The following TERF1 variants were observed in gnomAD, a reference collection of about 807,000 sequenced individuals.
TERF1 encodes the protein telomeric repeat binding factor 1.
A neutral mutation model predicts 55.1 loss-of-function variants in TERF1; 20 were observed. That is an observed-to-expected ratio of 0.36 (90% CI 0.26 to 0.53). TERF1 has a LOEUF of 0.53. Ranked by LOEUF, TERF1 falls within the 20% of genes least tolerant of loss-of-function variation. TERF1 has a pLI of 0.91. For missense variants in TERF1, 439 were observed against 535.7 expected, an observed-to-expected ratio of 0.82 and a Z score of 1.78; for synonymous variants, 168 against 181.2, an observed-to-expected ratio of 0.93 and a Z score of 0.59.
intron 1 of TERF1, chr8:73,010,749 A>G (rs1808248520): frequency 6.6e-6 from 1 of 152,232 alleles, no homozygotes; most frequent in African/African-American, 2.4e-5. Context: ...GCTGAAACAG[A>G]ACAAAAAGAA....
chr8:73,019,735 C>A (rs1000768001), intron 2 of TERF1, among the ~76,000 whole-genome samples: 2 of 152,154 alleles, frequency 1.3e-5, no homozygotes, highest in African/African-American at 4.8e-5. Flanking sequence ...AGGACCTTTG[C>A]ACTTGCCATT....
At chr8:73,014,373 AGT>A (rs1346692227) in intron 2 of TERF1, among the ~76,000 whole-genome samples, 1 of 152,152 alleles carries the variant, frequency 6.6e-6, no homozygotes, top group East Asian at 1.9e-4. Context: ...CTCTTGGGGA[AGT>A]GTGTTTCATT....
intron 8 of TERF1, among the ~76,000 whole-genome samples, chr8:73,037,613 TATATA>T (rs1809599837): frequency 2.0e-5 from 2 of 98,860 alleles, no homozygotes; most frequent in Admixed American, 3.5e-4. Context: ...AAATTTATTA[TATATA>T]TTATATATTA....
chr8:73,020,523 A>G (rs959233390), intron 2 of TERF1, among the ~76,000 whole-genome samples, 161 bp from the exon 3 acceptor site: 10 of 152,202 alleles, frequency 6.6e-5, no homozygotes, highest in African/African-American at 2.4e-4. Context: ...TTAATGAGCA[A>G]ATTAACTTAG....
At chr8:73,015,188 A>C (rs1808446268) in intron 2 of TERF1, among the ~76,000 whole-genome samples, 1 of 152,092 alleles carries the variant, frequency 6.6e-6, no homozygotes, top group African/African-American at 2.4e-5. Context: ...TCTTTTGGAT[A>C]TATCCTAGAT....
intron 9 of TERF1, among the ~76,000 whole-genome samples, chr8:73,044,684 CTCCTTAAACAGTAAG>C (rs1247412515): frequency 6.6e-6 from 1 of 152,106 alleles, no homozygotes; most frequent in Non-Finnish European, 1.5e-5. Context: ...TGAAACCGTA[CTCCTTAAACAGTAAG>C]TCCATTTCCA....
intron 9 of TERF1, among the ~76,000 whole-genome samples, chr8:73,044,762 T>A (rs746538449): frequency 6.6e-6 from 1 of 152,158 alleles, no homozygotes; most frequent in South Asian, 2.1e-4. Context: ...TGAGTTGGAC[T>A]ATTCTAGGCA....
At chr8:73,037,468 A>T (rs1809585447) in intron 8 of TERF1, among the ~76,000 whole-genome samples, 2 of 98,024 alleles carry the variant, frequency 2.0e-5, no homozygotes, top group African/African-American at 7.5e-5. Flanking sequence ...TTAACATATA[A>T]AATATATTAA....
rs150799660 is a variant in TERF1, at chr8:73,008,928, C to T, written c.42C>T (p.Gly14=). ...CCTCAGCGGCCCCGAGCCCGCGGGG[C>T]TGTGCGGATGGTAGGGATGCCGACC... The part of the protein sequence containing the change: ...DVSSAAPSPR[G]CADGRDADPT... The change falls in exon 1 of 10, where the codon GGC becomes GGT. Residue 14 remains glycine, a synonymous_variant. Coordinates refer to ENST00000276603, the MANE Select transcript of TERF1 (RefSeq NM_017489.3). 591 of 1,612,442 alleles carry T rather than the reference C, an allele frequency of 3.7e-4. No homozygotes were observed. Among genetic ancestry groups the T allele is most frequent in the Middle Eastern group, 3.5e-3 (21 of 5,952 alleles).
At chr8:73,037,655 A>AC (rs1809605468) in intron 8 of TERF1, among the ~76,000 whole-genome samples, 2 of 60,406 alleles carry the variant, frequency 3.3e-5, no homozygotes, top group Admixed American at 5.0e-4. Flanking sequence ...TATATATTAT[A>AC]TGTATAATAA....
chr8:73,030,218 G>T (rs1368415267), intron 6 of TERF1, 118 bp from the exon 7 acceptor site: 7 of 640,982 alleles, frequency 1.1e-5, no homozygotes, highest in African/African-American at 1.9e-5. Context: ...TGTTACCAAG[G>T]TTTCTTTCCA....
rs1809299831 is a variant in TERF1, at chr8:73,031,834, T to C, written c.948-208T>C. The C allele has an allele frequency of 8.0e-6, 3 of 374,926 alleles. No homozygotes were observed. In the East Asian group the frequency reaches 1.2e-4, roughly 15 times the overall value. The allele number at this position is 374,926 out of a possible 1,614,324, so 23.2% of individuals were successfully genotyped here. A position where few individuals can be genotyped will look rare whatever the true frequency, so the allele number is the denominator to read the frequency against. ...AAAAAACATCTTGATTTCTGCGGAGTAGATGAGATGGAGAAAGATGAGACA... is the reference window on the plus strand; with the variant it reads ...AAAAAACATCTTGATTTCTGCGGAGCAGATGAGATGGAGAAAGATGAGACA... On this transcript the variant is annotated intron_variant, in intron 7 of 9. Transcript: ENST00000276603.
chr8:73,012,970 T>C, intron 1 of TERF1: 1 of 455,696 alleles, frequency 2.2e-6, no homozygotes, highest in Non-Finnish European at 4.4e-6. Context: ...TCTATATAAA[T>C]TTTGTGCTCT....
chr8:73,028,829 C>G (rs544922233), intron 6 of TERF1, among the ~76,000 whole-genome samples: 2 of 152,224 alleles, frequency 1.3e-5, no homozygotes, highest in African/African-American at 4.8e-5. Context: ...TATAAAAGGA[C>G]TTATCTTCGT....
chr8:73,023,119 C>T (rs1272913395), intron 4 of TERF1, among the ~76,000 whole-genome samples: 1 of 152,076 alleles, frequency 6.6e-6, no homozygotes, highest in African/African-American at 2.4e-5. Flanking sequence ...TTCCCCCATA[C>T]ATTTTGTGGA....
chr8:73,030,549 C>A (rs1017841864), intron 7 of TERF1, 154 bp downstream of exon 7: 3 of 486,160 alleles, frequency 6.2e-6, no homozygotes, highest in Non-Finnish European at 1.1e-5. Flanking sequence ...TCTGAGACAT[C>A]TTGAAATTCC....
At chr8:73,033,000 C>G (rs929366061) in intron 8 of TERF1, among the ~76,000 whole-genome samples, 2 of 148,948 alleles carry the variant, frequency 1.3e-5, no homozygotes, top group Non-Finnish European at 3.0e-5. Flanking sequence ...GGTATATCTC[C>G]TAATGCTATC....
At chr8:73,044,601 G>C (rs56044361) in intron 9 of TERF1, among the ~76,000 whole-genome samples, 1 of 151,692 alleles carries the variant, frequency 6.6e-6, no homozygotes, top group African/African-American at 2.4e-5. Flanking sequence ...TGTACAGTTT[G>C]GTAGCATTAA....
chr8:73,018,672 C>A (rs1194030343), intron 2 of TERF1, among the ~76,000 whole-genome samples: 1 of 152,014 alleles, frequency 6.6e-6, no homozygotes, highest in Non-Finnish European at 1.5e-5. Context: ...CAAAGCACTG[C>A]CTCAAAAAAT....
Sources: gnomAD v4.1 joint callset for allele counts (sites outside exome capture counted in the v4.1 genomes callset) on GRCh38, gnomAD v4.1.1 for gene constraint, MANE v1.5 for transcripts, NCBI Gene and HGNC (gene_info 2026-07-23, HGNC 2026-07-21) for gene names.